Variants in CSMD1 observed in about 807,000 individuals in gnomAD.
The protein encoded by CSMD1 is CUB and sushi domain-containing protein 1.
In CSMD1, 213 loss-of-function variants were observed where a neutral mutation model predicts 417.5. That is an observed-to-expected ratio of 0.51 (90% CI 0.46 to 0.57). The LOEUF (loss-of-function observed/expected upper bound fraction) is 0.57, where lower values mean the gene tolerates loss of function less well. Among genes scored for constraint, CSMD1 ranks in the 20% least tolerant of loss-of-function variants. The pLI is 0.00. For missense variants in CSMD1, 6,923 were observed against 4,529.7 expected (o/e 1.53, Z -15.17); for synonymous variants, 2,862 against 1,736.8 (o/e 1.65, Z -16.11).
At position 4,678,261 on chromosome 8, in the gene CSMD1, A is replaced by C. The variant is rs1188157658; in HGVS notation, c.86-40703T>G. ...CCCTGTCTCTAATGAAAATACAAAA[A>C]TTAGCCAGGTGTGGTGGCACGCACC... On this transcript the variant is annotated intron_variant, in intron 1 of 69. Coordinates refer to ENST00000635120, the MANE Select transcript of CSMD1 (RefSeq NM_033225.6). Among the ~76,000 whole-genome samples, 3 of 151,932 alleles carry C rather than the reference A, an allele frequency of 2.0e-5. No homozygotes were observed. In the East Asian group the frequency reaches 5.8e-4, roughly 29 times the overall value.
intron 1 of CSMD1, among the ~76,000 whole-genome samples, chr8:4,932,738 G>T (rs7841154): frequency 6.6e-6 from 1 of 151,894 alleles, no homozygotes. Flanking sequence ...CCTTAAGTAC[G>T]ATCCTTAAAA....
intron 2 of CSMD1, among the ~76,000 whole-genome samples, chr8:4,507,725 C>A (rs1802601197): frequency 6.6e-6 from 1 of 152,208 alleles, no homozygotes; most frequent in African/African-American, 2.4e-5. Context: ...CATTTTCAAG[C>A]TAAGAGGTAG....
chr8:3,971,633 G>C (rs112508593), intron 5 of CSMD1, among the ~76,000 whole-genome samples: 3 of 152,076 alleles, frequency 2.0e-5, no homozygotes, highest in Non-Finnish European at 4.4e-5. Context: ...TTCCTCAAGG[G>C]AGTCTCAAGA....
At chr8:3,831,043 A>G (rs1459928497) in intron 5 of CSMD1, among the ~76,000 whole-genome samples, 1 of 152,188 alleles carries the variant, frequency 6.6e-6, no homozygotes, top group Non-Finnish European at 1.5e-5. Context: ...ATGCGCGAAC[A>G]GGGTTTGGGT....
At chr8:4,106,019 C>T (rs1465116028) in intron 3 of CSMD1, among the ~76,000 whole-genome samples, 3 of 152,194 alleles carry the variant, frequency 2.0e-5, no homozygotes, top group African/African-American at 7.2e-5. Flanking sequence ...GGGTGTGCCA[C>T]CATCTCCACT....
intron 1 of CSMD1, among the ~76,000 whole-genome samples, chr8:4,971,654 T>G (rs1468082492): frequency 6.6e-6 from 1 of 150,730 alleles, no homozygotes; most frequent in Non-Finnish European, 1.5e-5. Flanking sequence ...TTATTCTTAC[T>G]TCCTTGCACA....
At chr8:4,187,419 G>T (rs1263708469) in intron 3 of CSMD1, among the ~76,000 whole-genome samples, 1 of 152,120 alleles carries the variant, frequency 6.6e-6, no homozygotes, top group Non-Finnish European at 1.5e-5. Flanking sequence ...GGCCAAGGCA[G>T]GCAGATCACC....
intron 3 of CSMD1, among the ~76,000 whole-genome samples, chr8:4,072,195 T>A (rs552091345): frequency 6.6e-6 from 1 of 152,250 alleles, no homozygotes; most frequent in Non-Finnish European, 1.5e-5. Context: ...TTTTCTGTTT[T>A]ACGTATTTAT....
At chr8:3,448,778 G>C (rs146098199) in intron 12 of CSMD1, among the ~76,000 whole-genome samples, 255 of 152,274 alleles carry the variant, frequency 1.7e-3, no homozygotes, top group African/African-American at 5.9e-3. Flanking sequence ...AGACACTTCA[G>C]GCAATAGTGA....
At position 3,929,525 on chromosome 8, in the gene CSMD1, C is replaced by G. The variant is rs376810680; in HGVS notation, c.818+68378G>C. 7.5e-4 allele frequency among the ~76,000 whole-genome samples: 113 copies of G among 150,352 alleles called. 8 individuals carry two copies. Among genetic ancestry groups the G allele is most frequent in the Middle Eastern group, 3.4e-3 (1 of 292 alleles). On this transcript the variant is annotated intron_variant, in intron 5 of 69. Coordinates refer to ENST00000635120, the MANE Select transcript of CSMD1 (RefSeq NM_033225.6). The stretch of plus-strand genomic sequence containing the variant: ...GCATATTGAAATTCAAAGTCAACGT[C>G]CATTGGCAGGAACTGGGTTGTCTGT...
intron 3 of CSMD1, among the ~76,000 whole-genome samples, chr8:4,409,948 G>A (rs796299798): frequency 5.6e-4 from 85 of 151,850 alleles, no homozygotes; most frequent in African/African-American, 2.0e-3. Context: ...CAAGTAGCTG[G>A]GATTACAGGC....
chr8:3,094,627 A>C (rs1455778501), intron 47 of CSMD1, among the ~76,000 whole-genome samples: 2 of 152,322 alleles, frequency 1.3e-5, no homozygotes, highest in African/African-American at 2.4e-5. Context: ...TAATTTTGAC[A>C]GTCTTCTCAA....
At chr8:4,657,711 C>G (rs564689039) in intron 1 of CSMD1, among the ~76,000 whole-genome samples, 1 of 139,490 alleles carries the variant, frequency 7.2e-6, no homozygotes. Flanking sequence ...GACCCACTCA[C>G]AAAAGAAATG....
rs138878429 is a variant in CSMD1, at chr8:2,960,149, T to C, written c.9702+992A>G. ...AATCAGTGAGAGCGACATCCATATA[T>C]AGTATTTTCCAATATTCCTTGACAA... On this transcript the variant is annotated intron_variant, in intron 62 of 69. Coordinates refer to ENST00000635120, the MANE Select transcript of CSMD1 (RefSeq NM_033225.6). 1.6e-4 allele frequency among the ~76,000 whole-genome samples: 25 copies of C among 152,368 alleles called. No individual in the cohort carries two copies. The East Asian group carries it at 4.8e-3, about 29-fold the overall frequency.
chr8:3,639,983 T>C (rs970301321), intron 7 of CSMD1, among the ~76,000 whole-genome samples: 2 of 152,222 alleles, frequency 1.3e-5, no homozygotes, highest in Non-Finnish European at 2.9e-5. Context: ...TAGCATCTAA[T>C]AGTGGTTGGG....
intron 8 of CSMD1, among the ~76,000 whole-genome samples, chr8:3,608,241 G>C (rs1418313334): frequency 2.0e-5 from 3 of 151,958 alleles, no homozygotes; most frequent in African/African-American, 7.2e-5. Context: ...GCCACCTGCA[G>C]AGGAGGTAGT....
chr8:3,098,634 G>A (rs911094365), intron 46 of CSMD1, among the ~76,000 whole-genome samples: 1 of 152,172 alleles, frequency 6.6e-6, no homozygotes, highest in Non-Finnish European at 1.5e-5. Flanking sequence ...ATTTTCTTCT[G>A]TGATGGTGAC....
intron 1 of CSMD1, among the ~76,000 whole-genome samples, chr8:4,818,771 G>A (rs147525453): frequency 3.5e-4 from 53 of 152,214 alleles, no homozygotes; most frequent in African/African-American, 1.3e-3. Flanking sequence ...GCTACACATC[G>A]CTTGGTACTT....
intron 6 of CSMD1, among the ~76,000 whole-genome samples, chr8:3,753,301 T>C (rs1159603734): frequency 6.6e-6 from 1 of 152,222 alleles, no homozygotes; most frequent in Non-Finnish European, 1.5e-5. Context: ...TTTTGCTGTG[T>C]TAATAAGGAT....
Sources: gnomAD v4.1 joint callset for allele counts (sites outside exome capture counted in the v4.1 genomes callset) on GRCh38, gnomAD v4.1.1 for gene constraint, MANE v1.5 for transcripts, NCBI Gene and HGNC (gene_info 2026-07-23, HGNC 2026-07-21) for gene names.